NCOA3: variants seen among roughly 807,000 people sequenced by gnomAD.
NCOA3 encodes CBP-interacting protein.
A neutral mutation model predicts 158.8 loss-of-function variants in NCOA3; 51 were observed. The ratio of observed to expected loss-of-function variants is 0.32; its 90% CI spans 0.26 to 0.41. NCOA3 has a LOEUF of 0.41. Ranked by LOEUF, NCOA3 falls within the 10% of genes least tolerant of loss-of-function variation. The pLI is 1.00. For missense variants in NCOA3, 1,510 were observed against 1,746.6 expected (o/e 0.86, Z 2.41); for synonymous variants, 537 against 592.4 (o/e 0.91, Z 1.36).
rs771780212 is a variant in NCOA3 at position 47,627,759 on chromosome 20, A to G, written c.721+10A>G. 2.5e-6 allele frequency: 4 copies of G among 1,610,574 alleles called. No homozygotes were observed. Among genetic ancestry groups the G allele is most frequent in the Admixed American group, 1.7e-5 (1 of 59,498 alleles). On this transcript the variant is annotated intron_variant, in intron 7 of 22. Transcript: ENST00000371998. ...ATGGAGGAAGGGGAAGGTAAGAGCT[A>G]TTATATGTTTGTGATGTTCATGAAA... is the stretch of plus-strand genomic sequence containing the variant.
In NCOA3 at chr20:47,623,776, G is replaced by A. The variant is rs571407648; in HGVS notation, c.84-135G>A. ...GTACTCCAGCCTGGGCAACAAGAGCGAAAACTCTGTCTCGAGGAAAAAAAA... is the reference window on the plus strand; with the variant it reads ...GTACTCCAGCCTGGGCAACAAGAGCAAAAACTCTGTCTCGAGGAAAAAAAA... On this transcript the variant is annotated intron_variant, in intron 3 of 22. Transcript: ENST00000371998. 1.0e-4 allele frequency: 84 copies of A among 813,236 alleles called. No individual in the cohort carries two copies. In the South Asian group the frequency reaches 1.8e-3, roughly 17 times the overall value. 50.4% of individuals were successfully genotyped at this position (813,236 alleles called of 1,614,324 possible).
rs931431947 is a variant in NCOA3, at chr20:47,611,756, C to T, written c.-19-10473C>T. Among the ~76,000 whole-genome samples, 90 of 152,216 alleles carry T rather than the reference C, an allele frequency of 5.9e-4. 1 individual carries two copies. The highest frequency in any genetic ancestry group is 5.6e-3 in the Admixed American group (85 of 15,292). The stretch of plus-strand genomic sequence containing the variant: ...TTAGTAAGCCGAGATTGCGCCACTG[C>T]ACTCCAGCCTGGGTGACAGAGCGAG... On this transcript the variant is annotated intron_variant, in intron 2 of 22. Transcript: ENST00000371998.
intron 1 of NCOA3, among the ~76,000 whole-genome samples, chr20:47,552,223 G>A (rs2084936904): frequency 6.6e-6 from 1 of 152,168 alleles, no homozygotes; most frequent in Non-Finnish European, 1.5e-5. Flanking sequence ...TGTTAGTATT[G>A]ATGAACTGTA....
At chr20:47,634,225 C>T (rs201099112) in intron 10 of NCOA3, 30 bp downstream of exon 10, 3 of 1,586,854 alleles carry the variant, frequency 1.9e-6, no homozygotes, top group Non-Finnish European at 2.6e-6. Flanking sequence ...TATTCTAATA[C>T]AAAATGCAGC....
chr20:47,513,011 A>G (rs748877430), intron 1 of NCOA3, among the ~76,000 whole-genome samples: 14 of 151,848 alleles, frequency 9.2e-5, no homozygotes, highest in Non-Finnish European at 1.8e-4. Context: ...ACAAAAAATT[A>G]GCCAGATGTG....
intron 2 of NCOA3, among the ~76,000 whole-genome samples, chr20:47,606,231 T>A (rs2085945383): frequency 6.6e-6 from 1 of 152,224 alleles, no homozygotes; most frequent in African/African-American, 2.4e-5. Flanking sequence ...TCTAATATAG[T>A]GGCTCTCAAC....
chr20:47,585,470 G>T (rs530699334), intron 2 of NCOA3, among the ~76,000 whole-genome samples: 1 of 152,220 alleles, frequency 6.6e-6, no homozygotes, highest in South Asian at 2.1e-4. Flanking sequence ...TCATTCTCTT[G>T]GTTAGCTAGG....
At chr20:47,535,898 G>A (rs908429431) in intron 1 of NCOA3, among the ~76,000 whole-genome samples, 1 of 152,090 alleles carries the variant, frequency 6.6e-6, no homozygotes, top group Non-Finnish European at 1.5e-5. Context: ...TCTTCCCCTG[G>A]AGCTGGGCTG....
intron 2 of NCOA3, among the ~76,000 whole-genome samples, chr20:47,613,502 A>AG (rs2086076955): frequency 6.6e-6 from 1 of 152,040 alleles, no homozygotes; most frequent in African/African-American, 2.4e-5. Context: ...AATTGAAAAA[A>AG]AAAAAAAGGA....
chr20:47,533,125 A>T (rs1193641263), intron 1 of NCOA3, among the ~76,000 whole-genome samples: 1 of 149,140 alleles, frequency 6.7e-6, no homozygotes, highest in Middle Eastern at 3.2e-3. Context: ...AAAAAAAAAA[A>T]AAAAAAAATT....
chr20:47,568,795 CA>C (rs567712171), intron 1 of NCOA3, among the ~76,000 whole-genome samples: 157 of 134,868 alleles, frequency 1.2e-3, no homozygotes, highest in East Asian at 4.2e-3. Context: ...GACTCTGTCT[CA>C]AAAAAAAAAA....
At chr20:47,507,828 AG>A (rs1453620742) in intron 1 of NCOA3, among the ~76,000 whole-genome samples, 2 of 152,194 alleles carry the variant, frequency 1.3e-5, no homozygotes, top group Non-Finnish European at 2.9e-5. Flanking sequence ...CATGTGGGTC[AG>A]GCTGGTCTCG....
Position 47,583,206 on chromosome 20 carries a change from G to A in NCOA3, c.-75G>A. The A allele has an allele frequency of 2.5e-6, 1 of 398,574 alleles. No homozygotes were observed. The highest frequency in any genetic ancestry group is 4.4e-6 in the Non-Finnish European group (1 of 226,038). 24.7% of individuals were successfully genotyped at this position (398,574 alleles called of 1,614,324 possible). ...AGGATCAAAATACTTGCTGGATGGT[G>A]GACTCAGAGACCAATAAAAATAAAC... On this transcript the variant is annotated 5_prime_UTR_variant, in exon 2 of 23. Transcript: ENST00000371998.
At chr20:47,620,281 T>A (rs1321520915) in intron 2 of NCOA3, among the ~76,000 whole-genome samples, 1 of 152,130 alleles carries the variant, frequency 6.6e-6, no homozygotes, top group African/African-American at 2.4e-5. Flanking sequence ...GGCTTATTTT[T>A]AAAAAAATTT....
intron 2 of NCOA3, among the ~76,000 whole-genome samples, chr20:47,606,845 T>C (rs2085955975): frequency 1.3e-5 from 2 of 152,314 alleles, no homozygotes; most frequent in South Asian, 4.1e-4. Flanking sequence ...TCTGACTGTA[T>C]TGGTTGACAG....
intron 1 of NCOA3, among the ~76,000 whole-genome samples, chr20:47,541,915 T>G (rs541568447): frequency 6.6e-6 from 1 of 152,134 alleles, no homozygotes; most frequent in Non-Finnish European, 1.5e-5. Flanking sequence ...ACATTGCAAT[T>G]TGGTTTTTAT....
chr20:47,567,096 G>A (rs951432419), intron 1 of NCOA3, among the ~76,000 whole-genome samples: 3 of 152,030 alleles, frequency 2.0e-5, no homozygotes, highest in African/African-American at 7.2e-5. Flanking sequence ...TCACCAGGCT[G>A]GAGTGCAGTG....
At chr20:47,515,472 C>CTTTTTTTTTTT (rs111350575) in intron 1 of NCOA3, among the ~76,000 whole-genome samples, 8 of 130,046 alleles carry the variant, frequency 6.2e-5, no homozygotes, top group Admixed American at 1.6e-4. Flanking sequence ...TTCTTTCTTT[C>CTTTTTTTTTTT]TTTTTTTTTT....
intron 2 of NCOA3, among the ~76,000 whole-genome samples, chr20:47,615,846 A>G (rs1223617003): frequency 7.9e-5 from 12 of 152,188 alleles, no homozygotes; most frequent in East Asian, 1.9e-4. Flanking sequence ...AGGTATTCTC[A>G]TTGTTACTAT....
Sources: gnomAD v4.1 joint callset for allele counts (sites outside exome capture counted in the v4.1 genomes callset) on GRCh38, gnomAD v4.1.1 for gene constraint, MANE v1.5 for transcripts, NCBI Gene and HGNC (gene_info 2026-07-23, HGNC 2026-07-21) for gene names.